SNX25: variants seen among roughly 807,000 people sequenced by gnomAD.
SNX25 encodes sorting nexin-25.
A neutral mutation model predicts 113.7 loss-of-function variants in SNX25; 62 were observed. That is an observed-to-expected ratio of 0.55 (90% confidence interval 0.44 to 0.67). The LOEUF (loss-of-function observed/expected upper bound fraction) is 0.67, where lower values mean the gene tolerates loss of function less well. Among genes scored for constraint, SNX25 ranks in the 30% least tolerant of loss-of-function variants. The pLI, the probability that SNX25 is intolerant of heterozygous loss-of-function variation, is 0.00. For missense variants in SNX25, 1,014 were observed against 1,161.0 expected (o/e 0.87, Z 1.84); for synonymous variants, 421 against 436.2 (o/e 0.97, Z 0.43).
intron 6 of SNX25, among the ~76,000 whole-genome samples, chr4:185,289,733 G>A (rs963824957): frequency 1.3e-5 from 2 of 152,268 alleles, no homozygotes; most frequent in African/African-American, 4.8e-5. Context: ...CAGACAGATG[G>A]ATAATTGTTT....
At chr4:185,354,186 G>A (rs1020621365) in intron 15 of SNX25, among the ~76,000 whole-genome samples, 1 of 152,154 alleles carries the variant, frequency 6.6e-6, no homozygotes, top group Non-Finnish European at 1.5e-5. Context: ...AATCCTTCAC[G>A]TTGCTTTTTA....
Position 185,353,482 on chromosome 4 carries a change from CAGG to C in SNX25, c.2470_2472del (p.Glu824del). The C allele has an allele frequency of 6.2e-7, 1 of 1,609,874 alleles. No individual in the cohort carries two copies. Among genetic ancestry groups the C allele is most frequent in the Non-Finnish European group, 8.5e-7 (1 of 1,176,346 alleles). The stretch of plus-strand genomic sequence containing the variant: ...GCTTCCTATGACTTTGCTGTATTCC[CAGG>C]AGGAGACAGAGGAGGACAGTGACCT... On this transcript the variant is annotated splice_acceptor_variant and coding_sequence_variant, in exon 15 of 19. Coordinates refer to ENST00000652585, the MANE Select transcript of SNX25 (RefSeq NM_001378034.2). LOFTEE classifies it high-confidence loss of function.
chr4:185,208,729 AAAAGAAAAAAAG>A (rs1418590472), upstream of SNX25, among the ~76,000 whole-genome samples: 1 of 149,732 alleles, frequency 6.7e-6, no homozygotes, highest in Non-Finnish European at 1.5e-5. Flanking sequence ...GTCTCAAAAA[AAAAGAAAAAAAG>A]AAAGAAAGAA....
intron 6 of SNX25, among the ~76,000 whole-genome samples, chr4:185,298,115 G>A (rs1344027037): frequency 3.6e-5 from 4 of 110,190 alleles, no homozygotes; most frequent in Admixed American, 1.0e-4. Context: ...TTGAGATGGA[G>A]TCTCACTCTG....
rs1227415432 is a variant in SNX25, at chr4:185,234,607, A to G, written c.430-12687A>G. On this transcript the variant is annotated intron_variant, in intron 1 of 18. Coordinates refer to ENST00000652585, the MANE Select transcript of SNX25 (RefSeq NM_001378034.2). ...TGAGGCAGGAGAATGGCGTGAACCC[A>G]GGAGGCGGAGCTTGCAGTGAGCCGA... 2.6e-4 allele frequency among the ~76,000 whole-genome samples: 6 copies of G among 22,646 alleles called. 3 individuals carry two copies. Among genetic ancestry groups the G allele is most frequent in the East Asian group, 4.7e-3 (2 of 426 alleles). The allele number at this position is 22,646 out of a possible 152,430, so 14.9% of individuals were successfully genotyped here.
chr4:185,324,659 C>T lies in SNX25; in HGVS notation c.1749+859C>T, dbSNP rs1034464463. ...TTGGAACGTTTCTAGTTGGAGATGT[C>T]ATTTGTGGTTTATGGTCTTACTGAC... is the stretch of plus-strand genomic sequence containing the variant. On this transcript the variant is annotated intron_variant, in intron 9 of 18. Coordinates refer to ENST00000652585, the MANE Select transcript of SNX25 (RefSeq NM_001378034.2). Among the ~76,000 whole-genome samples the T allele has an allele frequency of 4.6e-5, 7 of 151,918 alleles. No individual in the cohort carries two copies. The East Asian group carries it at 5.8e-4, about 13-fold the overall frequency.
chr4:185,359,484 G>A (rs1426759552), intron 16 of SNX25, among the ~76,000 whole-genome samples: 1 of 151,936 alleles, frequency 6.6e-6, no homozygotes, highest in Non-Finnish European at 1.5e-5. Context: ...GTATTGACAA[G>A]CCTTAGATAA....
chr4:185,224,183 T>G (rs1740461514), intron 1 of SNX25, among the ~76,000 whole-genome samples: 1 of 151,894 alleles, frequency 6.6e-6, no homozygotes, highest in African/African-American at 2.4e-5. Flanking sequence ...GAAACCTGTC[T>G]CTACTAGAAA....
intron 11 of SNX25, among the ~76,000 whole-genome samples, chr4:185,340,832 A>G (rs893091671): frequency 3.3e-5 from 5 of 152,256 alleles, no homozygotes; most frequent in Middle Eastern, 3.4e-3. Flanking sequence ...TGGTGAAAAG[A>G]TAGTGGAAAT....
At chr4:185,305,783 C>T (rs568607693) in intron 6 of SNX25, among the ~76,000 whole-genome samples, 7 of 152,122 alleles carry the variant, frequency 4.6e-5, no homozygotes, top group South Asian at 4.2e-4. Context: ...ACTATCTAGA[C>T]GGAAAAACAG....
Position 185,357,701 on chromosome 4 carries a change from C to T in SNX25, c.2615C>T (p.Ala872Val). The change falls in exon 16 of 19, where the codon GCC becomes GTC. Residue 872 changes from alanine (A) to valine (V), a missense_variant. Physicochemically the swap from Ala to Val is moderately conservative, Grantham distance 64. Coordinates refer to ENST00000652585, the MANE Select transcript of SNX25 (RefSeq NM_001378034.2). ...AAATGGGTGAGAAGAACATTAATTG[C>T]CCTCGTTCAGGTCACTTTTGGAAGA... ...MFKWVRRTLI[A>V]LVQVTFGRTI... 1 of 1,613,992 alleles carries T rather than the reference C, an allele frequency of 6.2e-7. No individual in the cohort carries two copies. The highest frequency in any genetic ancestry group is 8.5e-7 in the Non-Finnish European group (1 of 1,179,962).
chr4:185,231,093 CTTTTTTTTG>C (rs916315617), intron 1 of SNX25, among the ~76,000 whole-genome samples: 2 of 125,898 alleles, frequency 1.6e-5, no homozygotes, highest in African/African-American at 5.9e-5. Flanking sequence ...TTCTTTTTTC[CTTTTTTTTG>C]TTTTTTTTTT....
intron 1 of SNX25, among the ~76,000 whole-genome samples, chr4:185,212,101 T>C (rs1421462595): frequency 6.6e-6 from 1 of 152,184 alleles, no homozygotes; most frequent in Non-Finnish European, 1.5e-5. Context: ...ATATTGGTAA[T>C]TATTTTTGTC....
chr4:185,258,915 A>G lies in SNX25; in HGVS notation c.582A>G (p.Gln194=), dbSNP rs1181707090. The G allele has an allele frequency of 1.2e-6, 2 of 1,614,176 alleles. No homozygotes were observed. The highest frequency in any genetic ancestry group is 1.7e-5 in the Admixed American group (1 of 60,020). The stretch of plus-strand genomic sequence containing the variant: ...GAAACCTCAGCAGAGATGAGGGACA[A>G]CTTTACCATCTGCTCTTGGAAGACT... ...WYGNLSRDEG[Q]LYHLLLEDFW... is the part of the protein sequence containing the mutation. Residue 194 remains glutamine, a synonymous_variant, in exon 3 of 19, where the codon CAA becomes CAG. Coordinates refer to ENST00000652585, the MANE Select transcript of SNX25 (RefSeq NM_001378034.2).
chr4:185,222,725 A>G (rs1337394930), intron 1 of SNX25, among the ~76,000 whole-genome samples: 5 of 152,224 alleles, frequency 3.3e-5, no homozygotes, highest in Non-Finnish European at 7.3e-5. Context: ...GTAGGTAAGA[A>G]GTACATATTT....
At position 185,351,607 on chromosome 4, in the gene SNX25, G is replaced by C; in HGVS notation, c.2464G>C (p.Glu822Gln). 1 of 1,613,832 alleles carries C rather than the reference G, an allele frequency of 6.2e-7. No individual in the cohort carries two copies. The highest frequency in any genetic ancestry group is 8.5e-7 in the Non-Finnish European group (1 of 1,179,922). Residue 822 changes from glutamate (E) to glutamine (Q), a missense_variant and splice_region_variant, in exon 14 of 19, where the codon GAG becomes CAG. Physicochemically the swap from Glu to Gln is conservative, Grantham distance 29 (BLOSUM62 2). Coordinates refer to ENST00000652585, the MANE Select transcript of SNX25 (RefSeq NM_001378034.2). ...TCCTCGCGACTTCTTCTCCCACCAG[G>C]AGGTGAGCCGTTGAAAGAGTGAACC... ...RLPRDFFSHQ[E>Q]EETEEDSDLS...
At chr4:185,286,616 C>T (rs1579625324) in intron 5 of SNX25, among the ~76,000 whole-genome samples, 1 of 152,168 alleles carries the variant, frequency 6.6e-6, no homozygotes, top group Non-Finnish European at 1.5e-5. Flanking sequence ...ATCACCTGGC[C>T]ATCTCTGACT....
intron 2 of SNX25, among the ~76,000 whole-genome samples, chr4:185,248,201 A>G (rs1464819777): frequency 6.6e-6 from 1 of 152,228 alleles, no homozygotes; most frequent in African/African-American, 2.4e-5. Flanking sequence ...TTGGGGACAT[A>G]ATTAAATTTT....
chr4:185,353,895 T>C (rs1338187506), intron 15 of SNX25, among the ~76,000 whole-genome samples: 1 of 151,934 alleles, frequency 6.6e-6, no homozygotes, highest in Non-Finnish European at 1.5e-5. Flanking sequence ...AATACAAAAA[T>C]TAGCCGGGCA....
Sources: gnomAD v4.1 joint callset for allele counts (sites outside exome capture counted in the v4.1 genomes callset) on GRCh38, gnomAD v4.1.1 for gene constraint, MANE v1.5 for transcripts, NCBI Gene and HGNC (gene_info 2026-07-23, HGNC 2026-07-21) for gene names.